Variants in TNRC18 observed in about 807,000 individuals in gnomAD.
TNRC18 encodes the protein trinucleotide repeat-containing gene 18 protein.
Under a neutral mutation model 226.7 loss-of-function variants are expected in TNRC18, and 69 were observed. That is an observed-to-expected ratio of 0.30 (90% CI 0.25 to 0.37). TNRC18 has a LOEUF of 0.37. TNRC18 is among the 10% of genes least tolerant of loss of function. TNRC18 has a pLI of 1.00. For synonymous variants in TNRC18, 2,449 were observed against 1,927.6 expected (o/e 1.27, Z -7.09); for missense variants, 4,754 against 4,256.6 (o/e 1.12, Z -3.25).
rs1780100729 is a variant in TNRC18, at chr7:5,389,348, G to A, written c.488-12C>T. 1.3e-5 allele frequency: 17 copies of A among 1,263,828 alleles called. No individual in the cohort carries two copies. In the South Asian group the frequency reaches 2.9e-4, roughly 21 times the overall value. 78.3% of individuals were successfully genotyped at this position (1,263,828 alleles called of 1,614,324 possible). A position where few individuals can be genotyped will look rare whatever the true frequency, so the allele number is the denominator to read the frequency against. ...CAGGTAGAAACCGTCTGCGGAGAAG[G>A]GAACAGCAGGCAGTGAGCGAGCGCC... On this transcript the variant is annotated splice_polypyrimidine_tract_variant and intron_variant, in intron 4 of 29. Transcript: ENST00000430969.
intron 11 of TNRC18, among the ~76,000 whole-genome samples, chr7:5,366,441 A>C (rs1006751064): frequency 1.4e-5 from 2 of 140,680 alleles, no homozygotes; most frequent in Non-Finnish European, 3.0e-5. Flanking sequence ...ATTCTGCCTC[A>C]GTCCCCTGAG....
intron 12 of TNRC18, 127 bp downstream of exon 12, chr7:5,362,523 C>G (rs962536853): frequency 1.1e-6 from 1 of 881,726 alleles, no homozygotes; most frequent in South Asian, 1.8e-5. Context: ...GCACAAGGAG[C>G]TGAACGTAGC....
At chr7:5,336,146 G>A (rs1790094524) in intron 18 of TNRC18, among the ~76,000 whole-genome samples, 1 of 151,124 alleles carries the variant, frequency 6.6e-6, no homozygotes, top group South Asian at 2.1e-4. Context: ...GGCGGAGGTT[G>A]CCATGAGCAG....
chr7:5,388,562 T>A lies in TNRC18; in HGVS notation c.1262A>T (p.Asp421Val). The change falls in exon 5 of 30, where the codon GAC becomes GTC. Residue 421 changes from aspartate to valine, a missense_variant. Coordinates refer to ENST00000430969, the MANE Select transcript of TNRC18 (RefSeq NM_001080495.3). Reference protein sequence around the residue: ...QAPPGSPRPLDRPEGLREKNS... With the variant: ...QAPPGSPRPLVRPEGLREKNS... ...CTTCTCGCGCAGGCCCTCGGGCCGG[T>A]CCAGAGGCCGCGGGGAGCCGGGGGG... 7.6e-7 allele frequency: 1 copy of A among 1,308,122 alleles called. No individual in the cohort carries two copies. Among genetic ancestry groups the A allele is most frequent in the Non-Finnish European group, 9.7e-7 (1 of 1,030,752 alleles). 81.0% of individuals were successfully genotyped at this position (1,308,122 alleles called of 1,614,324 possible).
chr7:5,406,665 A>G (rs573010351), intron 2 of TNRC18, among the ~76,000 whole-genome samples: 2 of 152,136 alleles, frequency 1.3e-5, no homozygotes, highest in South Asian at 4.2e-4. Flanking sequence ...AGCCTGGCCA[A>G]CAGGGTGAAA....
Position 5,356,990 on chromosome 7 carries a change from A to C in TNRC18, c.5120T>G (p.Val1707Gly). ...KRAAKTRKME[V>G]GFKARGQPKS... Reference sequence around the variant, plus strand: ...GGGCTGGCCTCTGGCCTTGAACCCCACCTCCATCTTCCTGGTTTTGGCTGC... The same window carrying C: ...GGGCTGGCCTCTGGCCTTGAACCCCCCCTCCATCTTCCTGGTTTTGGCTGC... Residue 1707 changes from valine (V) to glycine (G), a missense_variant, in exon 16 of 30, where the codon GTG becomes GGG. Physicochemically the swap from Val to Gly is moderately radical, Grantham distance 109. Transcript: ENST00000430969. 1.9e-6 allele frequency: 3 copies of C among 1,552,144 alleles called. No individual in the cohort carries two copies. Among genetic ancestry groups the C allele is most frequent in the Non-Finnish European group, 2.6e-6 (3 of 1,147,096 alleles).
At chr7:5,401,236 G>T (rs1781066019) in intron 2 of TNRC18, among the ~76,000 whole-genome samples, 3 of 139,408 alleles carry the variant, frequency 2.2e-5, no homozygotes, top group Non-Finnish European at 4.7e-5. Flanking sequence ...TCGGGGGGGG[G>T]CGGGGGGGCT....
At chr7:5,319,220 A>G (rs1452772180) in intron 24 of TNRC18, among the ~76,000 whole-genome samples, 1 of 152,176 alleles carries the variant, frequency 6.6e-6, no homozygotes, top group Admixed American at 6.6e-5. Context: ...CTGGCCTGAG[A>G]TCCTCTACTC....
chr7:5,370,755 G>A lies in TNRC18; in HGVS notation c.3839C>T (p.Ala1280Val), dbSNP rs758655571. Residue 1280 changes from alanine (A) to valine (V), a missense_variant, in exon 11 of 30, where the codon GCG (alanine) becomes GTG (valine). Coordinates refer to ENST00000430969, the MANE Select transcript of TNRC18 (RefSeq NM_001080495.3). ...CTGGGACTCGCTCGGTGCCACCTGC[G>A]CCAGGCCTTCCTCGGGCACTGCCTC... ...VVEAVPEEGL[A>V]QVAPSESQPT... 1.2e-4 allele frequency: 188 copies of A among 1,603,862 alleles called. No individual in the cohort carries two copies. In the Admixed American group the frequency reaches 2.2e-3, roughly 19 times the overall value.
intron 2 of TNRC18, among the ~76,000 whole-genome samples, chr7:5,402,011 T>C (rs765315473): frequency 1.3e-5 from 2 of 148,836 alleles, no homozygotes; most frequent in Non-Finnish European, 3.0e-5. Flanking sequence ...CCGTCTCTAC[T>C]AAAAACAAAA....
chr7:5,406,100 C>T (rs1243108055), intron 2 of TNRC18, among the ~76,000 whole-genome samples: 2 of 152,182 alleles, frequency 1.3e-5, no homozygotes, highest in African/African-American at 4.8e-5. Context: ...GAAGGACAAT[C>T]CGATACATTC....
rs1199107063 is a variant in TNRC18, at chr7:5,421,483, A to C, written c.-237T>G. On this transcript the variant is annotated 5_prime_UTR_variant, in exon 2 of 30. Coordinates refer to ENST00000430969, the MANE Select transcript of TNRC18 (RefSeq NM_001080495.3). Reference sequence around the variant, plus strand: ...GGCGGAGCTGCGCGAGGCGGCGCACACGGCGTCTTGGCGGGGAGGAGACAG... The same window carrying C: ...GGCGGAGCTGCGCGAGGCGGCGCACCCGGCGTCTTGGCGGGGAGGAGACAG... The C allele has an allele frequency of 6.5e-6, 1 of 153,206 alleles. No homozygotes were observed. The highest frequency in any genetic ancestry group is 2.4e-5 in the African/African-American group (1 of 41,284). 9.5% of individuals were successfully genotyped at this position (153,206 alleles called of 1,614,324 possible).
intron 29 of TNRC18, 66 bp from the exon 30 acceptor site, chr7:5,308,378 G>A: frequency 2.0e-6 from 3 of 1,474,404 alleles, no homozygotes; most frequent in Non-Finnish European, 2.8e-6. Context: ...GCCCCAGGGA[G>A]CCACAGGGAC....
chr7:5,345,523 C>CCCCCCCCCCCCCCCCCCCCCCCCCCACCA, intron 18 of TNRC18, 39 bp downstream of exon 18: 1 of 179,160 alleles, frequency 5.6e-6, no homozygotes, highest in Non-Finnish European at 1.2e-5. Flanking sequence ...GTCCGCCCCT[C>CCCCCCCCCCCCCCCCCCCCCCCCCCACCA]CCACCCACCC....
At chr7:5,335,300 T>TAAAA (rs1562508489) in intron 18 of TNRC18, among the ~76,000 whole-genome samples, 4 of 10,622 alleles carry the variant, frequency 3.8e-4, no homozygotes, top group Admixed American at 1.3e-3. Flanking sequence ...AGAATCTGTC[T>TAAAA]CAAAAAAAAA....
In TNRC18 at chr7:5,313,175, GCTGCTGCTGCTACTGCTGCCACTA is replaced by G. The variant is rs754985782; in HGVS notation, c.7692_7715del (p.Gly2566_Ser2573del). ...TCTCCGAGCCGCTGCTGCTGCTGCTGCTGCTGCTGCTACTGCTGCCACTACTGCTGCTGCTGCTGCTCTCGGACT... is the reference window on the plus strand; with the variant it reads ...TCTCCGAGCCGCTGCTGCTGCTGCTGCTGCTGCTGCTGCTGCTCTCGGACT... On this transcript the variant is annotated inframe_deletion, in exon 27 of 30. Transcript: ENST00000430969. The G allele has an allele frequency of 6.5e-6, 10 of 1,541,188 alleles. No homozygotes were observed. The highest frequency in any genetic ancestry group is 2.0e-5 in the Admixed American group (1 of 50,878).
intron 3 of TNRC18, among the ~76,000 whole-genome samples, chr7:5,391,020 T>C (rs1001393210): frequency 3.3e-5 from 5 of 152,192 alleles, no homozygotes; most frequent in African/African-American, 1.2e-4. Context: ...GCAGGCCACT[T>C]GCCCAAGACG....
chr7:5,356,962 C>T lies in TNRC18; in HGVS notation c.5148G>A (p.Lys1716=). Residue 1716 remains lysine, a synonymous_variant, in exon 16 of 30, where the codon AAG becomes AAA. Coordinates refer to ENST00000430969, the MANE Select transcript of TNRC18 (RefSeq NM_001080495.3). The stretch of plus-strand genomic sequence containing the variant: ...CCGAGGCAAACGGGGAATGGGCCGA[C>T]TTGGGCTGGCCTCTGGCCTTGAACC... ...EVGFKARGQP[K]SAHSPFASEV... 1 of 1,551,866 alleles carries T rather than the reference C, an allele frequency of 6.4e-7. No homozygotes were observed. Among genetic ancestry groups the T allele is most frequent in the Non-Finnish European group, 8.7e-7 (1 of 1,146,964 alleles).
At chr7:5,374,766 A>C (rs1189266357) in intron 9 of TNRC18, among the ~76,000 whole-genome samples, 1 of 152,032 alleles carries the variant, frequency 6.6e-6, no homozygotes, top group Non-Finnish European at 1.5e-5. Context: ...CTCCACCAGG[A>C]CCCCGGCCCT....
Sources: allele counts gnomAD v4.1 joint callset (sites outside exome capture counted in the v4.1 genomes callset), GRCh38; gene constraint gnomAD v4.1.1; transcripts MANE v1.5; gene names NCBI Gene and HGNC (gene_info 2026-07-23, HGNC 2026-07-21).